Variants in TMPRSS3 observed in about 807,000 individuals in gnomAD.
TMPRSS3 encodes transmembrane protease serine 3.
A neutral mutation model predicts 59.6 loss-of-function variants in TMPRSS3; 55 were observed. That is an observed-to-expected ratio of 0.92 (90% CI 0.74 to 1.16). The LOEUF (loss-of-function observed/expected upper bound fraction) is 1.16, where lower values mean the gene tolerates loss of function less well. Among genes scored for constraint, TMPRSS3 ranks in the 50% most tolerant of loss-of-function variants. The pLI, the probability that TMPRSS3 is intolerant of heterozygous loss-of-function variation, is 0.00. For synonymous variants in TMPRSS3, 257 were observed against 237.7 expected, an observed-to-expected ratio of 1.08 and a Z score of -0.75; for missense variants, 596 against 579.4, an observed-to-expected ratio of 1.03 and a Z score of -0.29.
chr21:42,390,243 T>G, intron 2 of TMPRSS3: 4 of 582,192 alleles, frequency 6.9e-6, no homozygotes, highest in East Asian at 6.2e-5. Context: ...GACCCGGTTA[T>G]TCCATGGGGG....
chr21:42,383,879 G>A, intron 7 of TMPRSS3, 91 bp downstream of exon 7: 1 of 1,368,326 alleles, frequency 7.3e-7, no homozygotes. Context: ...GGGATACAGA[G>A]CCCCATGGGG....
intron 5 of TMPRSS3, among the ~76,000 whole-genome samples, chr21:42,387,371 A>AGTGTGTGTGTGTGTGTGTGTGTGTGT (rs59669731): frequency 3.4e-5 from 5 of 147,204 alleles, no homozygotes; most frequent in African/African-American, 1.3e-4. Flanking sequence ...AGCTGTGTGC[A>AGTGTGTGTGTGTGTGTGTGTGTGTGT]GTGTGTGTGT....
intron 8 of TMPRSS3, 87 bp downstream of exon 8, chr21:42,382,946 G>T: frequency 6.5e-7 from 1 of 1,530,414 alleles, no homozygotes; most frequent in Middle Eastern, 1.7e-4. Flanking sequence ...CTTCCCTCTG[G>T]ACCCGCTTCT....
intron 9 of TMPRSS3, among the ~76,000 whole-genome samples, chr21:42,381,672 C>A (rs1232739516): frequency 6.6e-6 from 1 of 152,202 alleles, no homozygotes; most frequent in African/African-American, 2.4e-5. Context: ...AAGCACACAG[C>A]CCACGAAGGC....
chr21:42,395,156 A>G (rs1307567712), intron 2 of TMPRSS3, among the ~76,000 whole-genome samples, 168 bp downstream of exon 2: 1 of 152,158 alleles, frequency 6.6e-6, no homozygotes, highest in Non-Finnish European at 1.5e-5. Context: ...CCCCTCTCCA[A>G]TGCCCCTTCT....
rs3814899 is a variant in TMPRSS3 at position 42,389,385 on chromosome 21, G to C, written c.206-340C>G. 0.27 allele frequency among the ~76,000 whole-genome samples: 41,296 copies of C among 152,134 alleles called. 6,950 individuals carry two copies. Among genetic ancestry groups the C allele is most frequent in the African/African-American group, 0.47 (19,545 of 41,460 alleles). ...GAGCAAGGAGTCCTGACTGAGAACTGCTCGGCCTTCCTGGTTTCTCTTACC... is the reference window on the plus strand; with the variant it reads ...GAGCAAGGAGTCCTGACTGAGAACTCCTCGGCCTTCCTGGTTTCTCTTACC... On this transcript the variant is annotated intron_variant, in intron 3 of 12. Transcript: ENST00000644384.
chr21:42,395,381 A>AG lies in TMPRSS3; in HGVS notation c.36dup (p.Phe13LeufsTer10). The AG allele has an allele frequency of 1.2e-6, 2 of 1,614,210 alleles. No homozygotes were observed. Among genetic ancestry groups the AG allele is most frequent in the Non-Finnish European group, 1.7e-6 (2 of 1,180,028 alleles). On this transcript the variant is annotated frameshift_variant, in exon 2 of 13. Coordinates refer to ENST00000644384, the MANE Select transcript of TMPRSS3 (RefSeq NM_001256317.3). LOFTEE classifies it high-confidence loss of function. ...AGGCCAAAAAGCGATCGGAATGAGA[A>AG]GGGGGCTTCAACAGCAGGCGGATCA... is the stretch of plus-strand genomic sequence containing the variant.
Position 42,383,120 on chromosome 21 carries a change from G to T in TMPRSS3, c.695C>A (p.Ala232Asp). 1 of 1,614,178 alleles carries T rather than the reference G, an allele frequency of 6.2e-7. No individual in the cohort carries two copies. The highest frequency in any genetic ancestry group is 8.5e-7 in the Non-Finnish European group (1 of 1,180,038). ...MSLLSQWPWQ[A>D]SLQFQGYHLC... ...GTGGTAGCCCTGGAACTGAAGGCTG[G>T]CCTGCCAGGGCCACTGCGAGAGCAA... Residue 232 changes from alanine to aspartate, a missense_variant, in exon 8 of 13, where the codon GCC (alanine) becomes GAC (aspartate). Physicochemically the swap from Ala to Asp is moderately radical, Grantham distance 126. Transcript: ENST00000644384.
intron 12 of TMPRSS3, among the ~76,000 whole-genome samples, chr21:42,375,030 C>T (rs2052397247): frequency 6.6e-6 from 1 of 151,972 alleles, no homozygotes. Flanking sequence ...AAATGTTTCC[C>T]CGGCGCCCAC....
chr21:42,386,487 G>A (rs1038522143), intron 5 of TMPRSS3, among the ~76,000 whole-genome samples: 1 of 152,208 alleles, frequency 6.6e-6, no homozygotes, highest in East Asian at 1.9e-4. Flanking sequence ...TGCAGGTGGC[G>A]GGGCTTGTGC....
chr21:42,390,280 A>C (rs2052714445), intron 2 of TMPRSS3: 2 of 507,640 alleles, frequency 3.9e-6, no homozygotes, highest in Non-Finnish European at 3.6e-6. Flanking sequence ...TGGGTTGAAT[A>C]GTATCCCCCA....
chr21:42,385,899 G>A (rs894196697), intron 5 of TMPRSS3, among the ~76,000 whole-genome samples: 8 of 152,084 alleles, frequency 5.3e-5, no homozygotes, highest in Admixed American at 2.0e-4. Flanking sequence ...GAGGGGAGGT[G>A]AGCACAAAAC....
At chr21:42,382,433 T>C in intron 8 of TMPRSS3, 199 bp from the exon 9 acceptor site, 1 of 612,488 alleles carries the variant, frequency 1.6e-6, no homozygotes, top group Non-Finnish European at 2.9e-6. Context: ...CCCCATGTGT[T>C]TCCCAGACCT....
Position 42,372,071 on chromosome 21 carries a change from G to T in TMPRSS3, c.*691C>A, listed in dbSNP as rs533265958. On this transcript the variant is annotated 3_prime_UTR_variant, in exon 13 of 13. Transcript: ENST00000644384. ...GGTTCTGGTCCCTAGAGATGAAAAC[G>T]TGCAGTGACTGCAGTTCTGCACTTC... is the stretch of plus-strand genomic sequence containing the variant. 4.4e-6 allele frequency: 2 copies of T among 454,222 alleles called. No homozygotes were observed. The highest frequency in any genetic ancestry group is 8.8e-6 in the Non-Finnish European group (2 of 226,804). 28.1% of individuals were successfully genotyped at this position (454,222 alleles called of 1,614,324 possible). A position where few individuals can be genotyped will look rare whatever the true frequency, so the allele number is the denominator to read the frequency against.
rs752070843 is a variant in TMPRSS3 at position 42,388,533 on chromosome 21, G to A, written c.323-7C>T. The A allele has an allele frequency of 1.3e-5, 21 of 1,614,072 alleles. No individual in the cohort carries two copies. Among genetic ancestry groups the A allele is most frequent in the South Asian group, 1.1e-4 (10 of 91,088 alleles). On this transcript the variant is annotated splice_region_variant and splice_polypyrimidine_tract_variant and intron_variant, in intron 4 of 12. Transcript: ENST00000644384. This position sits in a 1 kb window ranked among gnomAD's most constrained non-coding sequence, Gnocchi z 5.1. ...TTCTGACCACCCACCCGGACTGGCC[G>A]ATGTGCAGAAAGAAAGGCTTATTAG... is the stretch of plus-strand genomic sequence containing the variant.
rs760194949 is a variant in TMPRSS3 at position 42,385,459 on chromosome 21, G to T, written c.522C>A (p.His174Gln). Residue 174 changes from histidine (H) to glutamine (Q), a missense_variant, in exon 6 of 13, where the codon CAC becomes CAA. Transcript: ENST00000644384. Reference protein sequence around the residue: ...QFREEFVSIDHLLPDDKVTAL... With the variant: ...QFREEFVSIDQLLPDDKVTAL... ...CAGTCACCTTGTCATCTGGCAAGAG[G>T]TGATCGATGGACACAAACTCCTCCC... 1.2e-6 allele frequency: 2 copies of T among 1,614,146 alleles called. No homozygotes were observed. Among genetic ancestry groups the T allele is most frequent in the African/African-American group, 1.3e-5 (1 of 75,032 alleles).
intron 10 of TMPRSS3, among the ~76,000 whole-genome samples, chr21:42,379,906 G>A (rs528603113): frequency 6.6e-6 from 1 of 152,292 alleles, no homozygotes; most frequent in South Asian, 2.1e-4. Flanking sequence ...GAGAAGGTCT[G>A]CAGGGTCATG....
rs201811831 is a variant in TMPRSS3, at chr21:42,388,964, G to A, written c.287C>T (p.Ser96Leu). 2.9e-4 allele frequency: 467 copies of A among 1,614,168 alleles called. No individual in the cohort carries two copies. Among genetic ancestry groups the A allele is most frequent in the Non-Finnish European group, 3.1e-4 (369 of 1,180,020 alleles). The change falls in exon 4 of 13, where the codon TCG (serine) becomes TTG (leucine). Residue 96 changes from serine to leucine, a missense_variant. Ser to Leu is a moderately radical substitution (Grantham distance 145). Transcript: ENST00000644384. The surrounding 1 kb of genome is among the most constrained non-coding windows in gnomAD (Gnocchi z 5.1). The part of the protein sequence containing the change: ...IELIARCDGV[S>L]DCKDGEDEYR... ...CTCGTCCTCCCCGTCTTTGCAATCC[G>A]AGACTCCGTCACATCGAGCTATCAG...
chr21:42,380,860 T>C (rs1265422590), intron 9 of TMPRSS3, among the ~76,000 whole-genome samples: 1 of 152,214 alleles, frequency 6.6e-6, no homozygotes, highest in Admixed American at 6.5e-5. Context: ...TGCAGAACAG[T>C]AATGGAGAGG....
Sources: allele counts gnomAD v4.1 joint callset (sites outside exome capture counted in the v4.1 genomes callset), GRCh38; gene constraint gnomAD v4.1.1; non-coding constraint Gnocchi (gnomAD v3.1); transcripts MANE v1.5; gene names NCBI Gene and HGNC (gene_info 2026-07-23, HGNC 2026-07-21).